The following MITF variants were observed in gnomAD, a reference collection of about 807,000 sequenced individuals.
MITF encodes the protein microphthalmia-associated transcription factor.
A neutral mutation model predicts 60.5 loss-of-function variants in MITF; 17 were observed. That is an observed-to-expected ratio of 0.28 (90% CI 0.19 to 0.42). The LOEUF (loss-of-function observed/expected upper bound fraction) is 0.42, where lower values mean the gene tolerates loss of function less well. Among genes scored for constraint, MITF ranks in the 10% least tolerant of loss-of-function variants. The pLI, the probability that MITF is intolerant of heterozygous loss-of-function variation, is 1.00. For synonymous variants in MITF, 260 were observed against 248.5 expected, an observed-to-expected ratio of 1.05 and a Z score of -0.43; for missense variants, 622 against 683.5, an observed-to-expected ratio of 0.91 and a Z score of 1.00.
intron 4 of MITF, among the ~76,000 whole-genome samples, chr3:69,940,348 C>T (rs1385883842): frequency 6.6e-6 from 1 of 152,204 alleles, no homozygotes; most frequent in African/African-American, 2.4e-5. Flanking sequence ...CCTGTTAAGA[C>T]CCAAGCACAG....
intron 1 of MITF, among the ~76,000 whole-genome samples, chr3:69,799,712 C>A (rs1482943798): frequency 6.6e-6 from 1 of 152,082 alleles, no homozygotes; most frequent in African/African-American, 2.4e-5. Flanking sequence ...GTTCTCTACT[C>A]TGATGTAATC....
intron 2 of MITF, among the ~76,000 whole-genome samples, chr3:69,884,222 T>A (rs1320381080): frequency 6.6e-6 from 1 of 152,204 alleles, no homozygotes; most frequent in African/African-American, 2.4e-5. Context: ...CCTTCCGTCA[T>A]GTTCCCTGGA....
At chr3:69,847,664 A>G (rs902103845) in intron 1 of MITF, among the ~76,000 whole-genome samples, 1 of 152,202 alleles carries the variant, frequency 6.6e-6, no homozygotes, top group African/African-American at 2.4e-5. Flanking sequence ...TTAGTGACTG[A>G]TGATCTTTTC....
intron 1 of MITF, among the ~76,000 whole-genome samples, chr3:69,752,627 C>T (rs557229786): frequency 6.6e-6 from 1 of 152,262 alleles, no homozygotes; most frequent in East Asian, 1.9e-4. Context: ...TCCTAACAAC[C>T]TATGTTTATA....
intron 1 of MITF, among the ~76,000 whole-genome samples, chr3:69,837,394 T>C (rs1170167605): frequency 6.6e-6 from 1 of 152,232 alleles, no homozygotes; most frequent in East Asian, 1.9e-4. Flanking sequence ...ACAGGAGTTG[T>C]GTTTGCTTTA....
At position 69,965,200 on chromosome 3, in the gene MITF, C is replaced by T. The variant is rs2107553583; in HGVS notation, c.1533C>T (p.Ser511=). The change falls in exon 10 of 10, where the codon AGC becomes AGT. Residue 511 remains serine, a synonymous_variant. Coordinates refer to ENST00000352241, the MANE Select transcript of MITF (RefSeq NM_001354604.2). ...SSVSPGASKT[S]SRRSSMSMEE... ...TGTCCCCCGGAGCTTCCAAAACAAG[C>T]AGCCGGAGGAGCAGTATGAGCATGG... 1.2e-6 allele frequency: 2 copies of T among 1,613,700 alleles called. No homozygotes were observed. The highest frequency in any genetic ancestry group is 1.1e-5 in the South Asian group (1 of 91,072).
At chr3:69,899,721 T>C (rs2064955899) in intron 2 of MITF, among the ~76,000 whole-genome samples, 1 of 152,152 alleles carries the variant, frequency 6.6e-6, no homozygotes, top group East Asian at 1.9e-4. Context: ...AATTCTTTTT[T>C]CCAAGTCTCC....
chr3:69,848,092 A>G (rs980093403), intron 1 of MITF, among the ~76,000 whole-genome samples: 4 of 152,258 alleles, frequency 2.6e-5, no homozygotes, highest in African/African-American at 9.6e-5. Flanking sequence ...ATGCTCTTGC[A>G]GAAGAACAAA....
At chr3:69,790,678 G>A (rs1373634675) in intron 1 of MITF, among the ~76,000 whole-genome samples, 2 of 152,034 alleles carry the variant, frequency 1.3e-5, no homozygotes, top group African/African-American at 2.4e-5. Flanking sequence ...TAAAAATTAG[G>A]AACTTTCACA....
At chr3:69,853,143 T>C (rs1277765732) in intron 1 of MITF, among the ~76,000 whole-genome samples, 1 of 152,144 alleles carries the variant, frequency 6.6e-6, no homozygotes, top group African/African-American at 2.4e-5. Flanking sequence ...TAGTAGTAGG[T>C]GTATAATATT....
At chr3:69,828,005 G>T (rs185402203) in intron 1 of MITF, among the ~76,000 whole-genome samples, 1 of 152,182 alleles carries the variant, frequency 6.6e-6, no homozygotes, top group Non-Finnish European at 1.5e-5. Context: ...TGACTTCTGC[G>T]TCTATACAAT....
chr3:69,825,584 G>A (rs553705418), intron 1 of MITF, among the ~76,000 whole-genome samples: 17 of 152,148 alleles, frequency 1.1e-4, no homozygotes, highest in Non-Finnish European at 2.4e-4. Flanking sequence ...GTCAAGCGTT[G>A]TTTCCTTCCA....
At chr3:69,870,662 T>C (rs894521479) in intron 1 of MITF, among the ~76,000 whole-genome samples, 4 of 152,000 alleles carry the variant, frequency 2.6e-5, no homozygotes, top group Admixed American at 6.5e-5. Flanking sequence ...CTCCATCTCT[T>C]GATCTCGTGA....
intron 4 of MITF, among the ~76,000 whole-genome samples, chr3:69,939,685 A>G (rs1358215531): frequency 6.6e-6 from 1 of 152,148 alleles, no homozygotes; most frequent in South Asian, 2.1e-4. Flanking sequence ...TGCTATATCT[A>G]TTTATATATC....
At chr3:69,909,101 C>T (rs1337294779) in intron 2 of MITF, among the ~76,000 whole-genome samples, 1 of 152,002 alleles carries the variant, frequency 6.6e-6, no homozygotes, top group African/African-American at 2.4e-5. Flanking sequence ...AGAATTCCCA[C>T]ATGTTGTGGG....
rs2066729982 is a variant in MITF, at chr3:69,967,899, C to T, written c.*2651C>T. On this transcript the variant is annotated 3_prime_UTR_variant, in exon 10 of 10. Coordinates refer to ENST00000352241, the MANE Select transcript of MITF (RefSeq NM_001354604.2). ...GAGTGACCAAAATGCCAAAATTGTC[C>T]ATCTGCCTCTGAGTAGGGCAATGGA... 2 of 233,280 alleles carry T rather than the reference C, an allele frequency of 8.6e-6. No homozygotes were observed. The highest frequency in any genetic ancestry group is 3.6e-4 in the South Asian group (2 of 5,526). 14.5% of individuals were successfully genotyped at this position (233,280 alleles called of 1,614,324 possible).
intron 1 of MITF, among the ~76,000 whole-genome samples, chr3:69,834,123 C>T (rs2063500635): frequency 6.6e-6 from 1 of 152,182 alleles, no homozygotes; most frequent in Admixed American, 6.5e-5. Flanking sequence ...GCATAGTTAA[C>T]ATATCTGTCA....
intron 1 of MITF, among the ~76,000 whole-genome samples, chr3:69,792,749 G>C (rs1308693313): frequency 1.3e-5 from 2 of 151,688 alleles, no homozygotes; most frequent in African/African-American, 4.8e-5. Flanking sequence ...ACTTTTAATG[G>C]CTAATTTTTT....
intron 5 of MITF, 25 bp downstream of exon 5, chr3:69,941,356 G>T (rs775311640): frequency 6.8e-7 from 1 of 1,478,888 alleles, no homozygotes; most frequent in East Asian, 2.3e-5. Context: ...TTTTTAAGTA[G>T]AAAATCTTGA....
Sources: gnomAD v4.1 joint callset for allele counts (sites outside exome capture counted in the v4.1 genomes callset) on GRCh38, gnomAD v4.1.1 for gene constraint, MANE v1.5 for transcripts, NCBI Gene and HGNC (gene_info 2026-07-23, HGNC 2026-07-21) for gene names.